CAMK2G: variants seen among roughly 807,000 people sequenced by gnomAD.
CAMK2G encodes calcium/calmodulin-dependent protein kinase type II subunit gamma.
Under a neutral mutation model 88.7 loss-of-function variants are expected in CAMK2G, and 23 were observed. That is an observed-to-expected ratio of 0.26 (90% CI 0.19 to 0.37). The LOEUF is 0.37. CAMK2G is among the 10% of genes least tolerant of loss of function. The probability of loss-of-function intolerance (pLI) is 1.00; values close to 1 mark genes in which losing one functional copy is unlikely to be tolerated. For missense variants in CAMK2G, 476 were observed against 780.8 expected (o/e 0.61, Z 4.65); for synonymous variants, 263 against 294.8 (o/e 0.89, Z 1.11).
At chr10:73,864,719 T>G (rs929370097) in intron 2 of CAMK2G, among the ~76,000 whole-genome samples, 8 of 152,118 alleles carry the variant, frequency 5.3e-5, no homozygotes, top group Admixed American at 3.9e-4. Context: ...CTCGGCTCAC[T>G]GCAAGCTCCG....
At chr10:73,836,257 C>G (rs932931139) in intron 14 of CAMK2G, among the ~76,000 whole-genome samples, 1 of 152,180 alleles carries the variant, frequency 6.6e-6, no homozygotes, top group Admixed American at 6.5e-5. Context: ...AACCATCTCG[C>G]GTGGGTCCAC....
At chr10:73,849,961 T>C (rs2094503353) in intron 5 of CAMK2G, among the ~76,000 whole-genome samples, 1 of 152,226 alleles carries the variant, frequency 6.6e-6, no homozygotes, top group African/African-American at 2.4e-5. Flanking sequence ...GGAGCACTTC[T>C]GATGATTTTG....
At chr10:73,873,329 G>T in intron 1 of CAMK2G, 1 of 1,353,328 alleles carries the variant, frequency 7.4e-7, no homozygotes, top group Non-Finnish European at 9.6e-7. Context: ...CCTGGGCAAG[G>T]CAACAGCCTC....
At position 73,819,654 on chromosome 10, in the gene CAMK2G, CCAGGG is replaced by C. The variant is rs201010279; in HGVS notation, c.1250-14_1250-10del. On this transcript the variant is annotated splice_polypyrimidine_tract_variant and intron_variant, in intron 18 of 22. Coordinates refer to ENST00000423381, the MANE Select transcript of CAMK2G (RefSeq NM_001367534.1). ...AGTGCGGAGCGGGGCAGCTAGCCAG[CCAGGG>C]CAGGGCAGGGCAGGGCAAGGCAGAG... is the stretch of plus-strand genomic sequence containing the variant. The C allele has an allele frequency of 5.0e-5, 76 of 1,521,148 alleles. No homozygotes were observed. Among genetic ancestry groups the C allele is most frequent in the Middle Eastern group, 2.3e-4 (1 of 4,376 alleles). The allele number at this position is 1,521,148 out of a possible 1,614,324, so 94.2% of individuals were successfully genotyped here.
At position 73,815,119 on chromosome 10, in the gene CAMK2G, G is replaced by A. The variant is rs1348279182; in HGVS notation, c.1663C>T (p.Arg555Cys). 4.3e-6 allele frequency: 7 copies of A among 1,614,082 alleles called. No homozygotes were observed. The highest frequency in any genetic ancestry group is 2.2e-5 in the South Asian group (2 of 91,086). ...CGGGTCTCTTCTGACTGGCTGGTGC[G>A]AGGCCGACCCTGCCCGTCGATGTAC... ...TQYIDGQGRP[R>C]TSQSEETRVW... The change falls in exon 22 of 23, where the codon CGC becomes TGC. Residue 555 changes from arginine to cysteine, a missense_variant. By Grantham distance (180) the Arg-to-Cys change is radical. This residue lies in a region of CAMK2G where 278 missense variants were observed against 366.5 expected (regional missense o/e 0.76). Transcript: ENST00000423381.
chr10:73,832,098 T>C (rs1007320548), intron 14 of CAMK2G, among the ~76,000 whole-genome samples: 4 of 151,970 alleles, frequency 2.6e-5, no homozygotes, highest in Admixed American at 6.5e-5. Context: ...AAAATTCTGA[T>C]AACAGTAGTG....
chr10:73,853,031 C>T (rs987664739), intron 4 of CAMK2G, among the ~76,000 whole-genome samples, 161 bp downstream of exon 4: 5 of 152,176 alleles, frequency 3.3e-5, no homozygotes, highest in Admixed American at 3.3e-4. Context: ...ATGGAGACCC[C>T]CTTGGTGGGG....
intron 2 of CAMK2G, 81 bp from the exon 3 acceptor site, chr10:73,860,970 T>G (rs2095344898): frequency 1.0e-6 from 1 of 962,700 alleles, no homozygotes; most frequent in South Asian, 1.3e-5. Flanking sequence ...TTCCTTCAGT[T>G]CAGGTACTAA....
chr10:73,864,924 G>A (rs2095529953), intron 2 of CAMK2G, among the ~76,000 whole-genome samples: 1 of 152,172 alleles, frequency 6.6e-6, no homozygotes, highest in South Asian at 2.1e-4. Context: ...GATTACAGGC[G>A]TGAGCCACGG....
At position 73,817,007 on chromosome 10, in the gene CAMK2G, G is replaced by T. The variant is rs542668226; in HGVS notation, c.1534+16C>A. On this transcript the variant is annotated intron_variant, in intron 21 of 22. Transcript: ENST00000423381. Reference sequence around the variant, plus strand: ...AGGGGCAGGCAGGAGTATATCAGCAGCACGAACCCACTCACGATTCTCAAA... The same window carrying T: ...AGGGGCAGGCAGGAGTATATCAGCATCACGAACCCACTCACGATTCTCAAA... The T allele has an allele frequency of 5.1e-5, 82 of 1,614,024 alleles. 2 individuals carry two copies. In the South Asian group the frequency reaches 8.9e-4, roughly 18 times the overall value.
At chr10:73,828,867 G>A (rs2091799318) in intron 14 of CAMK2G, among the ~76,000 whole-genome samples, 1 of 152,146 alleles carries the variant, frequency 6.6e-6, no homozygotes, top group African/African-American at 2.4e-5. Context: ...AGATGCTCAC[G>A]AACTTTACGT....
chr10:73,832,077 A>T (rs2133946776), intron 14 of CAMK2G, among the ~76,000 whole-genome samples: 1 of 152,068 alleles, frequency 6.6e-6, no homozygotes, highest in South Asian at 2.1e-4. Flanking sequence ...AAAAAAAAAT[A>T]GTATTTAAAA....
chr10:73,853,889 C>T (rs1286449261), intron 3 of CAMK2G, among the ~76,000 whole-genome samples: 1 of 152,198 alleles, frequency 6.6e-6, no homozygotes, highest in Admixed American at 6.5e-5. Context: ...TGTGCTGGAC[C>T]CCACGCTAGG....
chr10:73,854,333 C>T (rs1299465336), intron 3 of CAMK2G, among the ~76,000 whole-genome samples: 1 of 152,130 alleles, frequency 6.6e-6, no homozygotes, highest in Non-Finnish European at 1.5e-5. Flanking sequence ...GGTAAAAAAC[C>T]AACCTGAAGT....
Position 73,825,424 on chromosome 10 carries a change from G to C in CAMK2G, c.1087-77C>G. 3 of 1,146,506 alleles carry C rather than the reference G, an allele frequency of 2.6e-6. No homozygotes were observed. In the South Asian group the frequency reaches 3.7e-5, roughly 14 times the overall value. The allele number at this position is 1,146,506 out of a possible 1,614,324, so 71.0% of individuals were successfully genotyped here. A position where few individuals can be genotyped will look rare whatever the true frequency, so the allele number is the denominator to read the frequency against. ...CAGGTTCAACTCCCAGACCTCCCTTGCCCCCTGGTCTGGCCTGGAGGAGGT... is the reference window on the plus strand; with the variant it reads ...CAGGTTCAACTCCCAGACCTCCCTTCCCCCCTGGTCTGGCCTGGAGGAGGT... On this transcript the variant is annotated intron_variant, in intron 15 of 22. Coordinates refer to ENST00000423381, the MANE Select transcript of CAMK2G (RefSeq NM_001367534.1).
chr10:73,850,563 T>G (rs2094546798), intron 5 of CAMK2G, among the ~76,000 whole-genome samples: 1 of 152,176 alleles, frequency 6.6e-6, no homozygotes, highest in Non-Finnish European at 1.5e-5. Flanking sequence ...AGGAGAGGCC[T>G]CACAACAAGG....
At position 73,813,410 on chromosome 10, in the gene CAMK2G, A is replaced by G. The variant is rs986113260; in HGVS notation, c.*1108T>C. On this transcript the variant is annotated 3_prime_UTR_variant, in exon 23 of 23. Coordinates refer to ENST00000423381, the MANE Select transcript of CAMK2G (RefSeq NM_001367534.1). ...AGAGATGGACGTGCAGCAAGGAAGA[A>G]TAAGAAGGGAGGCAGCCCCAAAGGC... The G allele has an allele frequency of 3.9e-5, 6 of 152,732 alleles. No homozygotes were observed. Among genetic ancestry groups the G allele is most frequent in the South Asian group, 2.1e-4 (1 of 4,834 alleles). The allele number at this position is 152,732 out of a possible 1,614,324, so 9.5% of individuals were successfully genotyped here.
intron 18 of CAMK2G, 123 bp from the exon 19 acceptor site, chr10:73,819,768 G>A (rs2087167394): frequency 1.6e-6 from 1 of 623,870 alleles, no homozygotes; most frequent in East Asian, 2.9e-5. Context: ...CGGGGCAAGG[G>A]GACGCCTCGC....
At chr10:73,870,345 T>C (rs1025421007) in intron 2 of CAMK2G, among the ~76,000 whole-genome samples, 3 of 152,212 alleles carry the variant, frequency 2.0e-5, no homozygotes, top group African/African-American at 7.2e-5. Flanking sequence ...AGTGACTTTA[T>C]GTAGACAGGC....
Sources: allele counts gnomAD v4.1 joint callset (sites outside exome capture counted in the v4.1 genomes callset), GRCh38; gene constraint gnomAD v4.1.1; regional missense constraint gnomAD v4.1.1; transcripts MANE v1.5; gene names NCBI Gene and HGNC (gene_info 2026-07-23, HGNC 2026-07-21).